Variants in HUWE1 observed in about 807,000 individuals in gnomAD.
HUWE1 encodes E3 ubiquitin-protein ligase HUWE1.
A neutral mutation model predicts 299.4 loss-of-function variants in HUWE1; 18 were observed. That is an observed-to-expected ratio of 0.06 (90% CI 0.04 to 0.09). HUWE1 has a LOEUF of 0.09. Among genes scored for constraint, HUWE1 ranks in the 10% least tolerant of loss-of-function variants. The probability of loss-of-function intolerance (pLI) is 1.00; values close to 1 mark genes in which losing one functional copy is unlikely to be tolerated. For missense variants in HUWE1, 1,832 were observed against 3,462.3 expected (o/e 0.53, Z 11.82); for synonymous variants, 1,317 against 1,286.1 (o/e 1.02, Z -0.51).
At chrX:53,603,221 T>C in intron 27 of HUWE1, 147 bp downstream of exon 27, 1 of 542,877 alleles carries the variant, frequency 1.8e-6, no homozygotes, top group African/African-American at 2.3e-5. Flanking sequence ...GACAAAGCAT[T>C]TGTCATCAAG....
rs782188529 is a variant in HUWE1, at chrX:53,581,542, T to C, written c.5521-516A>G. ...CTATGCTTCTGCTCTTCTCATAAAA[T>C]TGCTTGTTAATAATGGAAAAATCCA... On this transcript the variant is annotated intron_variant, in intron 42 of 83. Transcript: ENST00000262854. Among the ~76,000 whole-genome samples, 16 of 112,579 alleles carry C rather than the reference T, an allele frequency of 1.4e-4. No homozygotes were observed. In the South Asian group the frequency reaches 5.9e-3, roughly 41 times the overall value.
At chrX:53,684,271 C>G in intron 2 of HUWE1, 1 of 151,107 alleles carries the variant, frequency 6.6e-6, no homozygotes, top group Non-Finnish European at 1.3e-5. Context: ...ATGCCGCCCG[C>G]GCCTCGCCTT....
chrX:53,674,542 C>G (rs1031574283), intron 3 of HUWE1, among the ~76,000 whole-genome samples: 58 of 112,055 alleles, frequency 5.2e-4, no homozygotes, highest in African/African-American at 1.9e-3. Flanking sequence ...TGGTTTGAGA[C>G]TATTGATTCA....
At chrX:53,665,091 A>G (rs1337487305) in intron 3 of HUWE1, among the ~76,000 whole-genome samples, 3 of 111,605 alleles carry the variant, frequency 2.7e-5, no homozygotes, top group African/African-American at 9.8e-5. Context: ...ATTCAAACCC[A>G]AATCTGTTCC....
chrX:53,628,713 T>C (rs369460962), intron 14 of HUWE1, 39 bp downstream of exon 14: 147 of 1,206,600 alleles, frequency 1.2e-4, no homozygotes, highest in Non-Finnish European at 1.6e-4. Flanking sequence ...AGAGGGCAAA[T>C]GTTTCTTCTT....
In HUWE1 at chrX:53,584,205, A is replaced by C; in HGVS notation, c.5142T>G (p.Arg1714=). 1 of 1,209,409 alleles carries C rather than the reference A, an allele frequency of 8.3e-7. No homozygotes were observed. Among genetic ancestry groups the C allele is most frequent in the Non-Finnish European group, 1.1e-6 (1 of 893,564 alleles). ...ACATACCATTGCCTTTATTTTCTTT[A>C]CGTTTGATATCCATTTCTTTGCTTT... ...LEESKEMDIK[R]KENKGNDTPL... Residue 1714 remains arginine, a synonymous_variant, in exon 41 of 84, where the codon CGT becomes CGG. Coordinates refer to ENST00000262854, the MANE Select transcript of HUWE1 (RefSeq NM_031407.7).
At chrX:53,634,986 CG>C (rs1255212153) in intron 7 of HUWE1, among the ~76,000 whole-genome samples, 4 of 111,187 alleles carry the variant, frequency 3.6e-5, no homozygotes, top group African/African-American at 1.3e-4. Flanking sequence ...AGAGCATTAA[CG>C]TATTTTTATT....
chrX:53,573,967 G>T lies in HUWE1; in HGVS notation c.6098-3C>A. On this transcript the variant is annotated splice_polypyrimidine_tract_variant and splice_region_variant and intron_variant, in intron 46 of 83. Coordinates refer to ENST00000262854, the MANE Select transcript of HUWE1 (RefSeq NM_031407.7). ...TCGAGACTCCTCTGGAGTTGAAGCT[G>T]TTGAGAAAAGTCAAACACTGGTTCA... 2 of 1,196,981 alleles carry T rather than the reference G, an allele frequency of 1.7e-6. No homozygotes were observed. Among genetic ancestry groups the T allele is most frequent in the Non-Finnish European group, 2.3e-6 (2 of 882,935 alleles).
intron 3 of HUWE1, among the ~76,000 whole-genome samples, chrX:53,664,858 G>C (rs1284298386): frequency 9.0e-6 from 1 of 110,809 alleles, no homozygotes; most frequent in Non-Finnish European, 1.9e-5. Context: ...TTTGTTAAAG[G>C]GGACACCACA....
chrX:53,533,255 C>G lies in HUWE1; in HGVS notation c.*54G>C. ...TTCTGGTTCTTTTTTTAACTCCCCCCTCCCCAGGTCCAACAATGGTAAAAA... is the reference window on the plus strand; with the variant it reads ...TTCTGGTTCTTTTTTTAACTCCCCCGTCCCCAGGTCCAACAATGGTAAAAA... On this transcript the variant is annotated 3_prime_UTR_variant, in exon 84 of 84. Coordinates refer to ENST00000262854, the MANE Select transcript of HUWE1 (RefSeq NM_031407.7). 7.8e-6 allele frequency: 6 copies of G among 768,398 alleles called. No homozygotes were observed. The highest frequency in any genetic ancestry group is 9.9e-6 in the Non-Finnish European group (5 of 505,166). 63.3% of individuals were successfully genotyped at this position (768,398 alleles called of 1,213,427 possible).
chrX:53,579,323 T>TG (rs1246237806), intron 43 of HUWE1, among the ~76,000 whole-genome samples: 34 of 79,277 alleles, frequency 4.3e-4, no homozygotes, highest in South Asian at 2.2e-3. Context: ...GGGAGGGTGG[T>TG]GGGGGGGTCA....
chrX:53,622,196 A>G (rs2066192423), intron 19 of HUWE1, among the ~76,000 whole-genome samples: 1 of 111,504 alleles, frequency 9.0e-6, no homozygotes, highest in African/African-American at 3.3e-5. Flanking sequence ...ACCAACTGAT[A>G]GTACATACAA....
chrX:53,599,526 T>C (rs2064702448), intron 29 of HUWE1, among the ~76,000 whole-genome samples: 1 of 111,898 alleles, frequency 8.9e-6, no homozygotes, highest in African/African-American at 3.3e-5. Flanking sequence ...AACAGACCAG[T>C]GCAAATCATT....
chrX:53,537,808 G>C (rs1042288262), intron 77 of HUWE1, 112 bp from the exon 78 acceptor site: 28 of 781,009 alleles, frequency 3.6e-5, no homozygotes, highest in Non-Finnish European at 4.8e-5. Context: ...CAAACACTTT[G>C]ATCTCTGCTC....
At chrX:53,581,881 CTT>C (rs1435081973) in intron 42 of HUWE1, among the ~76,000 whole-genome samples, 2 of 111,839 alleles carry the variant, frequency 1.8e-5, no homozygotes, top group African/African-American at 3.3e-5. Context: ...AGTGAACACT[CTT>C]ATATATGCAT....
intron 44 of HUWE1, among the ~76,000 whole-genome samples, chrX:53,576,189 G>A (rs2063097205): frequency 8.9e-6 from 1 of 112,011 alleles, no homozygotes; most frequent in African/African-American, 3.2e-5. Context: ...CAGATGAAAA[G>A]CACCAAGGTC....
chrX:53,532,494 T>C lies in HUWE1; in HGVS notation c.*815A>G, dbSNP rs1488368580. The C allele has an allele frequency of 9.1e-6, 1 of 109,319 alleles. No homozygotes were observed. Among genetic ancestry groups the C allele is most frequent in the African/African-American group, 3.3e-5 (1 of 29,921 alleles). 9.0% of individuals were successfully genotyped at this position (109,319 alleles called of 1,213,427 possible). A position where few individuals can be genotyped will look rare whatever the true frequency, so the allele number is the denominator to read the frequency against. On this transcript the variant is annotated 3_prime_UTR_variant, in exon 84 of 84. Coordinates refer to ENST00000262854, the MANE Select transcript of HUWE1 (RefSeq NM_031407.7). ...TGCAGTTTGTTCCCCTTGAGCAAGG[T>C]GATGCTTTGTCCTGGGCTGCAATCT...
rs782759292 is a variant in HUWE1, at chrX:53,575,559, T to A, written c.6030+84A>T. On this transcript the variant is annotated intron_variant, in intron 45 of 83. Coordinates refer to ENST00000262854, the MANE Select transcript of HUWE1 (RefSeq NM_031407.7). Reference sequence around the variant, plus strand: ...ACATCACAATTAATATCTTTGAAATTCCCCGGGGATAGCCCTAAATACTGA... The same window carrying A: ...ACATCACAATTAATATCTTTGAAATACCCCGGGGATAGCCCTAAATACTGA... 1.1e-4 allele frequency: 112 copies of A among 988,263 alleles called. No homozygotes were observed. In the South Asian group the frequency reaches 2.2e-3, roughly 20 times the overall value. The allele number at this position is 988,263 out of a possible 1,213,427, so 81.4% of individuals were successfully genotyped here.
chrX:53,640,102 T>C (rs2067479513), intron 7 of HUWE1, among the ~76,000 whole-genome samples: 1 of 113,023 alleles, frequency 8.8e-6, no homozygotes, highest in Non-Finnish European at 1.9e-5. Flanking sequence ...CTCACGCCTG[T>C]AATCCCAGCA....
Sources: gnomAD v4.1 joint callset for allele counts (sites outside exome capture counted in the v4.1 genomes callset) on GRCh38, gnomAD v4.1.1 for gene constraint, MANE v1.5 for transcripts, NCBI Gene and HGNC (gene_info 2026-07-23, HGNC 2026-07-21) for gene names.